Variants in ZNF726 observed in about 807,000 individuals in gnomAD.
ZNF726 encodes the protein zinc finger protein 726.
ZNF726 carries 15 observed loss-of-function variants against 11.6 expected under a neutral mutation model. The observed-to-expected ratio is 1.29, with a 90% CI of 0.86 to 1.99. ZNF726 has a LOEUF of 1.99. Ranked by LOEUF, ZNF726 falls within the 30% of genes most tolerant of loss-of-function variation. The probability of loss-of-function intolerance (pLI) is 0.00; values close to 1 mark genes in which losing one functional copy is unlikely to be tolerated. For missense variants in ZNF726, 890 were observed against 725.6 expected, an observed-to-expected ratio of 1.23 and a Z score of -2.60; for synonymous variants, 295 against 243.6, an observed-to-expected ratio of 1.21 and a Z score of -1.96.
chr19:23,919,658 T>C lies in ZNF726; in HGVS notation c.130+159T>C, dbSNP rs544643410. ...AAAATTTCTTCAAGATGTTTCATCC[T>C]GACCTGAAATTTCCACATTCCTGAG... On this transcript the variant is annotated intron_variant, in intron 2 of 3. Coordinates refer to ENST00000594466, the MANE Select transcript of ZNF726 (RefSeq NM_001244038.2). The C allele has an allele frequency of 5.3e-6, 5 of 944,040 alleles. No individual in the cohort carries two copies. In the Admixed American group the frequency reaches 1.0e-4, roughly 20 times the overall value. The allele number at this position is 944,040 out of a possible 1,614,324, so 58.5% of individuals were successfully genotyped here.
chr19:23,943,283 G>A (rs980083288), intron 3 of ZNF726, among the ~76,000 whole-genome samples: 2 of 152,176 alleles, frequency 1.3e-5, no homozygotes, highest in African/African-American at 4.8e-5. Context: ...CCAATATCCA[G>A]GACCAATTTT....
At chr19:23,941,468 G>A (rs951663676) in intron 3 of ZNF726, among the ~76,000 whole-genome samples, 2 of 152,038 alleles carry the variant, frequency 1.3e-5, no homozygotes, top group Non-Finnish European at 1.5e-5. Flanking sequence ...TTCTGGTTTT[G>A]GTTGTAGGGT....
intron 1 of ZNF726, among the ~76,000 whole-genome samples, chr19:23,915,723 G>C (rs967869399): frequency 5.3e-5 from 8 of 152,052 alleles, no homozygotes; most frequent in Non-Finnish European, 1.0e-4. Context: ...TGGGACTACA[G>C]GCGCCTGCCA....
chr19:23,926,735 T>G (rs955300490), intron 3 of ZNF726, among the ~76,000 whole-genome samples: 1 of 152,190 alleles, frequency 6.6e-6, no homozygotes, highest in African/African-American at 2.4e-5. Flanking sequence ...ATGTTAATTT[T>G]GTGGGAGATT....
chr19:23,934,028 CAT>C lies in ZNF726; in HGVS notation c.*63_*64del. 8 of 1,553,670 alleles carry C rather than the reference CAT, an allele frequency of 5.1e-6. No individual in the cohort carries two copies. Among genetic ancestry groups the C allele is most frequent in the Non-Finnish European group, 7.1e-6 (8 of 1,131,354 alleles). On this transcript the variant is annotated 3_prime_UTR_variant, in exon 4 of 4. Transcript: ENST00000594466. ...CATTTATATGGTCCTCAACGCTAAA[CAT>C]AAGAGGATGCACACTGGAGAGAAAC... is the stretch of plus-strand genomic sequence containing the variant.
chr19:23,915,398 C>T (rs898100241), intron 1 of ZNF726, among the ~76,000 whole-genome samples: 10 of 152,032 alleles, frequency 6.6e-5, no homozygotes, highest in African/African-American at 2.4e-4. Context: ...AATTTATGGG[C>T]CTCACTGCAA....
At position 23,919,482 on chromosome 19, in the gene ZNF726, G is replaced by T. The variant is rs1210408631; in HGVS notation, c.113G>T (p.Arg38Ile). The T allele has an allele frequency of 1.1e-5, 17 of 1,602,666 alleles. No homozygotes were observed. Among genetic ancestry groups the T allele is most frequent in the Non-Finnish European group, 1.4e-5 (17 of 1,174,872 alleles). ...AGGAATGTGATGTTAGAGAACTACAGAAACCTGGCCTTCCTGGGTGAGGAT... is the reference window on the plus strand; with the variant it reads ...AGGAATGTGATGTTAGAGAACTACATAAACCTGGCCTTCCTGGGTGAGGAT... Reference protein sequence around the residue: ...LYRNVMLENYRNLAFLGIAVS... With the variant: ...LYRNVMLENYINLAFLGIAVS... The change falls in exon 2 of 4, where the codon AGA (arginine) becomes ATA (isoleucine). Residue 38 changes from arginine (R) to isoleucine (I), a missense_variant. Coordinates refer to ENST00000594466, the MANE Select transcript of ZNF726 (RefSeq NM_001244038.2).
At position 23,920,055 on chromosome 19, in the gene ZNF726, C is replaced by T. The variant is rs764106093; in HGVS notation, c.199C>T (p.Arg67Ter). The change falls in exon 3 of 4, where the codon CGA becomes TGA. Residue 67 changes from arginine (R) to a stop codon, truncating the protein, a stop_gained. Coordinates refer to ENST00000594466, the MANE Select transcript of ZNF726 (RefSeq NM_001244038.2). LOFTEE classifies it low-confidence loss of function (END_TRUNC). ...AGAAAAAGAGCCCTGGAATATGAAG[C>T]GAGATGAGATGGTGGATGAACCCCC... is the stretch of plus-strand genomic sequence containing the variant. ...EKEKEPWNMK[R>*]DEMVDEPPGI... 3.5e-5 allele frequency: 55 copies of T among 1,586,908 alleles called. No individual in the cohort carries two copies. The African/African-American group carries it at 4.0e-4, about 12-fold the overall frequency.
Position 23,932,874 on chromosome 19 carries a change from G to A in ZNF726, c.758G>A (p.Gly253Glu), listed in dbSNP as rs1468590043. 6.2e-7 allele frequency: 1 copy of A among 1,608,876 alleles called. No individual in the cohort carries two copies. The highest frequency in any genetic ancestry group is 8.5e-7 in the Non-Finnish European group (1 of 1,177,948). Residue 253 changes from glycine (G) to glutamate (E), a missense_variant, in exon 4 of 4, where the codon GGA (glycine) becomes GAA (glutamate). Transcript: ENST00000594466. ...ACTACACATAAGGTAACTCATACTGGAGAGAAGCCTTACAAGTGTGAAGAA... is the reference window on the plus strand; with the variant it reads ...ACTACACATAAGGTAACTCATACTGAAGAGAAGCCTTACAAGTGTGAAGAA... ...NYTTHKVTHT[G>E]EKPYKCEECG... is the part of the protein sequence containing the mutation.
In ZNF726 at chr19:23,933,910, T is replaced by C. The variant is rs115082384; in HGVS notation, c.1794T>C (p.Cys598=). Reference sequence around the variant, plus strand: ...AGAAACCTTACAAGTGTGACGAATGTGGCAAATCATTTATCTGGTCCTCAA... The same window carrying C: ...AGAAACCTTACAAGTGTGACGAATGCGGCAAATCATTTATCTGGTCCTCAA... ...TGEKPYKCDE[C]GKSFIWSSTL... Residue 598 remains cysteine, a synonymous_variant, in exon 4 of 4, where the codon TGT becomes TGC. Coordinates refer to ENST00000594466, the MANE Select transcript of ZNF726 (RefSeq NM_001244038.2). 1,440 of 1,587,770 alleles carry C rather than the reference T, an allele frequency of 9.1e-4. 4 individuals carry two copies. The African/African-American group carries it at 0.016, about 18-fold the overall frequency.
At chr19:23,935,311 G>GAAAACTCTA (rs1968209995), downstream of ZNF726, 2 of 517,246 alleles carry the variant, frequency 3.9e-6, no homozygotes, top group Admixed American at 2.0e-5. Flanking sequence ...GAAGAATGTG[G>GAAAACTCTA]CAAAGTGTTT....
Position 23,933,190 on chromosome 19 carries a change from A to C in ZNF726, c.1074A>C (p.Thr358=), listed in dbSNP as rs1233078174. The change falls in exon 4 of 4, where the codon ACA becomes ACC. Residue 358 remains threonine (T), a synonymous_variant. Transcript: ENST00000594466. ...KAFSQFGHLT[T]HRIIHTGEKP... is the part of the protein sequence containing the mutation. ...TTAGCCAATTCGGACACCTTACTAC[A>C]CATAGGATAATTCATACTGGAGAGA... The C allele has an allele frequency of 6.2e-7, 1 of 1,601,874 alleles. No individual in the cohort carries two copies. The highest frequency in any genetic ancestry group is 2.2e-5 in the East Asian group (1 of 44,838).
chr19:23,926,918 A>G (rs1379539335), intron 3 of ZNF726, among the ~76,000 whole-genome samples: 1 of 152,196 alleles, frequency 6.6e-6, no homozygotes, highest in Non-Finnish European at 1.5e-5. Context: ...TCTATAGTTC[A>G]TAATAAAATT....
chr19:23,933,504 G>A lies in ZNF726; in HGVS notation c.1388G>A (p.Ser463Asn), dbSNP rs573131729. 12 of 1,609,804 alleles carry A rather than the reference G, an allele frequency of 7.5e-6. No individual in the cohort carries two copies. In the South Asian group the frequency reaches 1.3e-4, roughly 18 times the overall value. The change falls in exon 4 of 4, where the codon AGC becomes AAC. Residue 463 changes from serine to asparagine, a missense_variant. Physicochemically the swap from Ser to Asn is conservative, Grantham distance 46. Transcript: ENST00000594466. ...TGTGAAGAATGTAGTAAAGCATTTA[G>A]CCGATCCTCAGCCCTAACTACACAT... ...YKCEECSKAF[S>N]RSSALTTHKR...
chr19:23,926,145 G>A (rs1967981369), intron 3 of ZNF726, among the ~76,000 whole-genome samples: 1 of 152,122 alleles, frequency 6.6e-6, no homozygotes, highest in South Asian at 2.1e-4. Flanking sequence ...AAATGTTGAA[G>A]TGTAGTGTAG....
chr19:23,925,621 T>C (rs1341911809), intron 3 of ZNF726, among the ~76,000 whole-genome samples: 1 of 152,226 alleles, frequency 6.6e-6, no homozygotes, highest in Non-Finnish European at 1.5e-5. Context: ...CAAATTAGTT[T>C]TGAGTGTCCT....
intron 3 of ZNF726, chr19:23,923,393 A>G (rs1599457055): frequency 2.4e-6 from 1 of 412,598 alleles, no homozygotes; most frequent in Non-Finnish European, 4.7e-6. Context: ...TTATTGCCAT[A>G]CAATAGATGC....
chr19:23,919,348 A>T, intron 1 of ZNF726, 25 bp from the exon 2 acceptor site: 2 of 1,596,082 alleles, frequency 1.3e-6, no homozygotes, highest in Admixed American at 1.7e-5. Context: ...CTTTGTAAAT[A>T]TGTGTGTTTG....
At position 23,919,402 on chromosome 19, in the gene ZNF726, A is replaced by G; in HGVS notation, c.33A>G (p.Ile11Met). 3 of 1,607,826 alleles carry G rather than the reference A, an allele frequency of 1.9e-6. No homozygotes were observed. Among genetic ancestry groups the G allele is most frequent in the Non-Finnish European group, 2.6e-6 (3 of 1,176,196 alleles). The change falls in exon 2 of 4, where the codon ATA (isoleucine) becomes ATG (methionine). Residue 11 changes from isoleucine (I) to methionine (M), a missense_variant. Transcript: ENST00000594466. MGLLTFRDVA[I>M]EFSLEEWQCL... The stretch of plus-strand genomic sequence containing the variant: ...TGTTGACATTTAGGGATGTGGCCAT[A>G]GAATTCTCTCTGGAGGAGTGGCAGT...
Sources: gnomAD v4.1 joint callset for allele counts (sites outside exome capture counted in the v4.1 genomes callset) on GRCh38, gnomAD v4.1.1 for gene constraint, MANE v1.5 for transcripts, NCBI Gene and HGNC (gene_info 2026-07-23, HGNC 2026-07-21) for gene names.